TNFAIP8: variants seen among roughly 807,000 people sequenced by gnomAD.
TNFAIP8 encodes the protein tumor necrosis factor alpha-induced protein 8.
Under a neutral mutation model 13.3 loss-of-function variants are expected in TNFAIP8, and 7 were observed. The ratio of observed to expected loss-of-function variants is 0.52; its 90% confidence interval spans 0.30 to 0.99. TNFAIP8 has a LOEUF of 0.99. Among genes scored for constraint, TNFAIP8 ranks in the 50% least tolerant of loss-of-function variants. The probability of loss-of-function intolerance (pLI) is 0.07; values close to 1 mark genes in which losing one functional copy is unlikely to be tolerated. For synonymous variants in TNFAIP8, 94 were observed against 87.6 expected, an observed-to-expected ratio of 1.07 and a Z score of -0.41; for missense variants, 258 against 236.9, an observed-to-expected ratio of 1.09 and a Z score of -0.58.
intron 1 of TNFAIP8, among the ~76,000 whole-genome samples, chr5:119,274,581 C>A (rs111777705): frequency 2.0e-5 from 3 of 152,318 alleles, no homozygotes; most frequent in African/African-American, 7.2e-5. Flanking sequence ...AGCCACTTTG[C>A]TCCTTTGCTT....
At chr5:119,319,783 A>G (rs1030983229) in intron 1 of TNFAIP8, among the ~76,000 whole-genome samples, 1 of 152,148 alleles carries the variant, frequency 6.6e-6, no homozygotes, top group Non-Finnish European at 1.5e-5. Context: ...ATGTCTAGAT[A>G]TTTTCTAGAA....
At chr5:119,364,095 G>A (rs570304110) in intron 1 of TNFAIP8, among the ~76,000 whole-genome samples, 1 of 152,284 alleles carries the variant, frequency 6.6e-6, no homozygotes, top group Non-Finnish European at 1.5e-5. Flanking sequence ...TTGGCCATTG[G>A]TGATTAAACT....
intron 1 of TNFAIP8, among the ~76,000 whole-genome samples, chr5:119,339,079 T>C (rs7724204): frequency 0.1 from 15,921 of 152,098 alleles, 1,046 homozygotes; most frequent in African/African-American, 0.2. Flanking sequence ...ATTTTCTGCC[T>C]TCTGTGATTG....
At chr5:119,269,762 TAA>T (rs1748216581) in intron 1 of TNFAIP8, among the ~76,000 whole-genome samples, 7 of 152,316 alleles carry the variant, frequency 4.6e-5, no homozygotes, top group Admixed American at 3.3e-4. Flanking sequence ...TTGGATTGCT[TAA>T]GACTGATAAT....
At chr5:119,280,422 C>T (rs1272287678) in intron 1 of TNFAIP8, among the ~76,000 whole-genome samples, 1 of 150,682 alleles carries the variant, frequency 6.6e-6, no homozygotes, top group African/African-American at 2.4e-5. Context: ...TAATTTGTTG[C>T]AGGACCTGGG....
chr5:119,369,036 CTTTCTTTTCT>C (rs757688779), intron 1 of TNFAIP8, among the ~76,000 whole-genome samples: 2 of 148,778 alleles, frequency 1.3e-5, no homozygotes, highest in African/African-American at 2.5e-5. Flanking sequence ...ATAAGCCAAA[CTTTCTTTTCT>C]TTTCTTTTCT....
At chr5:119,328,794 G>C (rs981960507) in intron 1 of TNFAIP8, among the ~76,000 whole-genome samples, 1 of 152,210 alleles carries the variant, frequency 6.6e-6, no homozygotes, top group Non-Finnish European at 1.5e-5. Context: ...TTGGCAAATT[G>C]AGAGTTTAAT....
intron 1 of TNFAIP8, among the ~76,000 whole-genome samples, chr5:119,295,409 A>T (rs533688425): frequency 9.9e-5 from 15 of 151,642 alleles, no homozygotes; most frequent in African/African-American, 3.1e-4. Flanking sequence ...TTGCTTGTTT[A>T]TCTCAGGTTT....
chr5:119,271,726 A>G (rs1055997547), intron 1 of TNFAIP8, among the ~76,000 whole-genome samples: 6 of 152,194 alleles, frequency 3.9e-5, no homozygotes, highest in Non-Finnish European at 7.4e-5. Flanking sequence ...TGGCATTCTC[A>G]GGGATCTCTG....
chr5:119,317,228 A>G (rs976175364), intron 1 of TNFAIP8, among the ~76,000 whole-genome samples: 2 of 152,144 alleles, frequency 1.3e-5, no homozygotes, highest in African/African-American at 4.8e-5. Context: ...CCATAAATTT[A>G]TTGTACTTGA....
At chr5:119,296,387 G>A (rs1478236122) in intron 1 of TNFAIP8, among the ~76,000 whole-genome samples, 1 of 152,098 alleles carries the variant, frequency 6.6e-6, no homozygotes, top group East Asian at 1.9e-4. Context: ...AGATAATCAT[G>A]TGGTTTTTGT....
At chr5:119,355,927 A>G (rs1267434166), upstream of TNFAIP8, 1 of 1,376,462 alleles carries the variant, frequency 7.3e-7, no homozygotes, top group Non-Finnish European at 9.6e-7. Flanking sequence ...CCCCCTGAAA[A>G]TCCCTGCACC....
intron 1 of TNFAIP8, among the ~76,000 whole-genome samples, chr5:119,363,659 G>T (rs1209894320): frequency 6.6e-6 from 1 of 152,200 alleles, no homozygotes; most frequent in Non-Finnish European, 1.5e-5. Flanking sequence ...TGCTGACACC[G>T]AATGTGAGAG....
chr5:119,313,208 A>G (rs1749785928), intron 1 of TNFAIP8, among the ~76,000 whole-genome samples: 2 of 152,240 alleles, frequency 1.3e-5, no homozygotes, highest in African/African-American at 4.8e-5. Context: ...TTCAAAGCCA[A>G]GAATCTATAT....
intron 1 of TNFAIP8, among the ~76,000 whole-genome samples, chr5:119,329,553 C>T (rs1044631036): frequency 6.6e-6 from 1 of 152,100 alleles, no homozygotes; most frequent in African/African-American, 2.4e-5. Context: ...TTTGTGCTTT[C>T]TGTCTGGTGA....
At chr5:119,362,419 C>G (rs922986080) in intron 1 of TNFAIP8, among the ~76,000 whole-genome samples, 1 of 152,178 alleles carries the variant, frequency 6.6e-6, no homozygotes, top group Non-Finnish European at 1.5e-5. Flanking sequence ...AGTCAGGAGA[C>G]TGATCCTACT....
intron 1 of TNFAIP8, among the ~76,000 whole-genome samples, chr5:119,291,142 C>T (rs1372831699): frequency 6.6e-6 from 1 of 152,190 alleles, no homozygotes; most frequent in African/African-American, 2.4e-5. Flanking sequence ...ACACTTTTGC[C>T]CATGTCCCTT....
intron 1 of TNFAIP8, among the ~76,000 whole-genome samples, chr5:119,290,141 C>T (rs1460192990): frequency 4.6e-5 from 7 of 151,098 alleles, no homozygotes; most frequent in Admixed American, 2.0e-4. Context: ...GAATGCAATA[C>T]AGCATACATA....
At chr5:119,374,398 A>G (rs933037116) in intron 1 of TNFAIP8, among the ~76,000 whole-genome samples, 1 of 152,240 alleles carries the variant, frequency 6.6e-6, no homozygotes, top group Non-Finnish European at 1.5e-5. Context: ...AGTAAATAGA[A>G]AACAAGGCAA....
Sources: allele counts gnomAD v4.1 joint callset (sites outside exome capture counted in the v4.1 genomes callset), GRCh38; gene constraint gnomAD v4.1.1; transcripts MANE v1.5; gene names NCBI Gene and HGNC (gene_info 2026-07-23, HGNC 2026-07-21).